The following MROH1 variants were observed in gnomAD, a reference collection of about 807,000 sequenced individuals.
MROH1 encodes the protein maestro heat like repeat family member 1, also known as maestro heat-like repeat-containing protein family member 1.
MROH1 carries 117 observed loss-of-function variants against 116.5 expected under a neutral mutation model. The ratio of observed to expected loss-of-function variants is 1.00; its 90% CI spans 0.86 to 1.17. The LOEUF (loss-of-function observed/expected upper bound fraction) is 1.17. Among genes scored for constraint, MROH1 ranks in the 50% most tolerant of loss-of-function variants. MROH1 has a pLI of 0.00. For synonymous variants in MROH1, 921 were observed against 583.9 expected, an observed-to-expected ratio of 1.58 and a Z score of -8.32; for missense variants, 1,873 against 1,338.5, an observed-to-expected ratio of 1.40 and a Z score of -6.23.
At chr8:144,247,212 C>T (rs1400338919) in intron 29 of MROH1, 89 bp from the exon 30 acceptor site, 5 of 709,610 alleles carry the variant, frequency 7.0e-6, no homozygotes, top group Non-Finnish European at 1.0e-5. Flanking sequence ...CACTCCTGGC[C>T]ACACTCCAGC....
chr8:144,159,670 G>GAACTCTTTC (rs1450533639), intron 1 of MROH1, among the ~76,000 whole-genome samples: 1 of 151,690 alleles, frequency 6.6e-6, no homozygotes, highest in Non-Finnish European at 1.5e-5. Context: ...CTGTGTCTCT[G>GAACTCTTTC]AACTCTTTCC....
chr8:144,247,338 G>A lies in MROH1; in HGVS notation c.2909G>A (p.Gly970Asp). Residue 970 changes from glycine (G) to aspartate (D), a missense_variant, in exon 30 of 44, where the codon GGC (glycine) becomes GAC (aspartate). Physicochemically the swap from Gly to Asp is moderately conservative, Grantham distance 94 (BLOSUM62 -1). Coordinates refer to ENST00000326134, the MANE Select transcript of MROH1 (RefSeq NM_032450.3). ...TTCCACAACCTGGGCCTTCTCATCG[G>A]CCTCTTCTCCCCACGGTGTGCGGAC... ...VPFHNLGLLI[G>D]LFSPRCADLW... 1.3e-6 allele frequency: 1 copy of A among 773,198 alleles called. No individual in the cohort carries two copies. 47.9% of individuals were successfully genotyped at this position (773,198 alleles called of 1,614,324 possible). A position where few individuals can be genotyped will look rare whatever the true frequency, so the allele number is the denominator to read the frequency against.
At chr8:144,179,817 G>T (rs956399908) in intron 5 of MROH1, among the ~76,000 whole-genome samples, 1 of 152,184 alleles carries the variant, frequency 6.6e-6, no homozygotes, top group Non-Finnish European at 1.5e-5. Flanking sequence ...CTCAGCACAC[G>T]CAGGACCGTG....
rs150759158 is a variant in MROH1, at chr8:144,199,182, C to T, written c.1009C>T (p.Arg337Cys). The change falls in exon 11 of 44, where the codon CGC becomes TGC. Residue 337 changes from arginine to cysteine, a missense_variant. Arg to Cys is a radical substitution (Grantham distance 180, BLOSUM62 -3). Transcript: ENST00000326134. ...GATGAGTAACCAGAAGGAGGTGCTG[C>T]GCTGCTTCACTGTGCTGGGTGAGTG... ...LVMSNQKEVL[R>C]CFTVLACSSP... The T allele has an allele frequency of 2.7e-4, 432 of 1,613,316 alleles. 1 individual carries two copies. In the African/African-American group the frequency reaches 4.4e-3, roughly 17 times the overall value.
chr8:144,256,817 G>A (rs1012931367), intron 35 of MROH1, among the ~76,000 whole-genome samples: 33 of 152,244 alleles, frequency 2.2e-4, no homozygotes, highest in African/African-American at 5.5e-4. Context: ...CCAAACACAC[G>A]CTTCCCGTTA....
In MROH1 at chr8:144,255,666, C is replaced by T. The variant is rs949787012; in HGVS notation, c.3752C>T (p.Ala1251Val). 82 of 766,740 alleles carry T rather than the reference C, an allele frequency of 1.1e-4. No individual in the cohort carries two copies. The East Asian group carries it at 1.9e-3, about 18-fold the overall frequency. The allele number at this position is 766,740 out of a possible 1,614,324, so 47.5% of individuals were successfully genotyped here. A position where few individuals can be genotyped will look rare whatever the true frequency, so the allele number is the denominator to read the frequency against. ...RNLQAQERRG[A>V]SPALATRNLE... ...CTGCAGGCCCAGGAAAGGAGGGGTG[C>T]CAGTCCAGCCCTAGCCACCAGGAAC... is the stretch of plus-strand genomic sequence containing the variant. The change falls in exon 35 of 44, where the codon GCC becomes GTC. Residue 1251 changes from alanine (A) to valine (V), a missense_variant. Transcript: ENST00000326134.
chr8:144,258,081 T>C (rs952124897), intron 35 of MROH1, among the ~76,000 whole-genome samples: 4 of 152,152 alleles, frequency 2.6e-5, no homozygotes, highest in South Asian at 2.1e-4. Context: ...CGATGGTCGA[T>C]GCCAGGCTCA....
intron 1 of MROH1, among the ~76,000 whole-genome samples, chr8:144,152,392 A>T (rs968448471): frequency 8.6e-4 from 78 of 91,002 alleles, no homozygotes; most frequent in African/African-American, 2.3e-3. Flanking sequence ...ATTTAAAAAA[A>T]ATTTTTTTTT....
chr8:144,251,403 C>T (rs1399209445), intron 33 of MROH1: 3 of 152,248 alleles, frequency 2.0e-5, no homozygotes, highest in African/African-American at 4.8e-5. Flanking sequence ...CTTTGTTACA[C>T]ATTTTGTTTT....
At chr8:144,224,776 T>G (rs1323693459) in intron 14 of MROH1, among the ~76,000 whole-genome samples, 1 of 151,722 alleles carries the variant, frequency 6.6e-6, no homozygotes, top group Non-Finnish European at 1.5e-5. Context: ...GTAGAGGGGG[T>G]GAGCGGCAGC....
At chr8:144,218,117 G>T (rs1835682391) in intron 12 of MROH1, among the ~76,000 whole-genome samples, 1 of 152,166 alleles carries the variant, frequency 6.6e-6, no homozygotes, top group African/African-American at 2.4e-5. Context: ...TGGCTTGGAA[G>T]CCAGCGCCCC....
intron 1 of MROH1, among the ~76,000 whole-genome samples, chr8:144,153,802 C>T (rs1275098176): frequency 6.6e-6 from 1 of 152,144 alleles, no homozygotes; most frequent in African/African-American, 2.4e-5. Flanking sequence ...GCTCCATCGC[C>T]CAGGCTGGAG....
chr8:144,257,581 C>G (rs930618260), intron 35 of MROH1, among the ~76,000 whole-genome samples: 3 of 152,192 alleles, frequency 2.0e-5, no homozygotes, highest in Non-Finnish European at 4.4e-5. Context: ...GCTCCTGTGC[C>G]CACCACACCC....
In MROH1 at chr8:144,242,624, C is replaced by G; in HGVS notation, c.2348C>G (p.Thr783Ser). Residue 783 changes from threonine (T) to serine (S), a missense_variant, in exon 24 of 44, where the codon ACC becomes AGC. Transcript: ENST00000326134. ...STKVLGIKVE[T>S]KDPALKLCLV... ...CAGGTTCTAGGAATAAAGGTAGAAA[C>G]CAAGGTACAGTGTGTAGGAATTAAG... 1 of 780,068 alleles carries G rather than the reference C, an allele frequency of 1.3e-6. No homozygotes were observed. The highest frequency in any genetic ancestry group is 2.4e-6 in the Non-Finnish European group (1 of 417,594). 48.3% of individuals were successfully genotyped at this position (780,068 alleles called of 1,614,324 possible). A position where few individuals can be genotyped will look rare whatever the true frequency, so the allele number is the denominator to read the frequency against.
In MROH1 at chr8:144,182,977, G is replaced by C. The variant is rs552511110; in HGVS notation, c.562+2454G>C. On this transcript the variant is annotated intron_variant, in intron 7 of 43. Coordinates refer to ENST00000326134, the MANE Select transcript of MROH1 (RefSeq NM_032450.3). This position sits in a 1 kb window ranked among gnomAD's most constrained non-coding sequence, Gnocchi z 4.1. ...GTCTGTAATCCCTGATACTGTGGATGAGACAGGAGGATTGCTTGAACCTCG... is the reference window on the plus strand; with the variant it reads ...GTCTGTAATCCCTGATACTGTGGATCAGACAGGAGGATTGCTTGAACCTCG... 1.3e-5 allele frequency among the ~76,000 whole-genome samples: 2 copies of C among 152,360 alleles called. No individual in the cohort carries two copies. The highest frequency in any genetic ancestry group is 4.8e-5 in the African/African-American group (2 of 41,590).
Position 144,223,235 on chromosome 8 carries a change from G to T in MROH1, c.1338+5G>T. 1.3e-6 allele frequency: 2 copies of T among 1,595,814 alleles called. No homozygotes were observed. Among genetic ancestry groups the T allele is most frequent in the Middle Eastern group, 3.4e-4 (2 of 5,884 alleles). On this transcript the variant is annotated splice_donor_5th_base_variant and intron_variant, in intron 14 of 43. Coordinates refer to ENST00000326134, the MANE Select transcript of MROH1 (RefSeq NM_032450.3). The stretch of plus-strand genomic sequence containing the variant: ...GCGCTGCCCCCCGAGCAGGAGGTAA[G>T]GGGCTGCCACCTTGCCTGCCTCCTA...
intron 35 of MROH1, among the ~76,000 whole-genome samples, chr8:144,257,849 G>T (rs1844189925): frequency 6.6e-6 from 1 of 152,266 alleles, no homozygotes. Flanking sequence ...GCCTTGTGGG[G>T]ACAGAGGTCC....
intron 33 of MROH1, among the ~76,000 whole-genome samples, chr8:144,253,433 G>A (rs943575323): frequency 2.0e-5 from 3 of 152,190 alleles, no homozygotes; most frequent in South Asian, 2.1e-4. Context: ...GCCATTGTCT[G>A]TCCTGGTCAG....
chr8:144,210,804 G>T (rs1833943045), intron 12 of MROH1, among the ~76,000 whole-genome samples: 1 of 152,072 alleles, frequency 6.6e-6, no homozygotes, highest in African/African-American at 2.4e-5. Context: ...GACCATTGGT[G>T]ATTTTGTTTA....
Sources: gnomAD v4.1 joint callset for allele counts (sites outside exome capture counted in the v4.1 genomes callset) on GRCh38, gnomAD v4.1.1 for gene constraint, Gnocchi (gnomAD v3.1) non-coding constraint, MANE v1.5 for transcripts, NCBI Gene and HGNC (gene_info 2026-07-23, HGNC 2026-07-21) for gene names.